SIL1: variants seen among roughly 807,000 people sequenced by gnomAD.
SIL1 encodes nucleotide exchange factor SIL1.
A neutral mutation model predicts 49.1 loss-of-function variants in SIL1; 40 were observed. That is an observed-to-expected ratio of 0.81 (90% confidence interval 0.63 to 1.06). SIL1 has a LOEUF of 1.06. Among genes scored for constraint, SIL1 ranks in the 50% least tolerant of loss-of-function variants. The probability of loss-of-function intolerance (pLI) is 0.00; values close to 1 mark genes in which losing one functional copy is unlikely to be tolerated. For missense variants in SIL1, 500 were observed against 572.6 expected, an observed-to-expected ratio of 0.87 and a Z score of 1.29; for synonymous variants, 253 against 250.8, an observed-to-expected ratio of 1.01 and a Z score of -0.08.
chr5:139,031,692 G>A (rs1407795439), intron 5 of SIL1, among the ~76,000 whole-genome samples: 1 of 152,160 alleles, frequency 6.6e-6, no homozygotes, highest in African/African-American at 2.4e-5. Context: ...CATTCAGAGA[G>A]AGTTAACATT....
chr5:139,057,203 C>A (rs1048847055), intron 3 of SIL1, among the ~76,000 whole-genome samples: 1 of 150,868 alleles, frequency 6.6e-6, no homozygotes, highest in Non-Finnish European at 1.5e-5. Context: ...AGTCCTCTGC[C>A]TAGGAAAACC....
At chr5:139,186,986 T>C (rs1404652574) in intron 1 of SIL1, among the ~76,000 whole-genome samples, 3 of 152,234 alleles carry the variant, frequency 2.0e-5, no homozygotes, top group Non-Finnish European at 4.4e-5. Context: ...TGTTATCATT[T>C]CTTAAGTTTT....
chr5:138,967,727 A>C (rs1767175456), intron 7 of SIL1, among the ~76,000 whole-genome samples: 1 of 152,228 alleles, frequency 6.6e-6, no homozygotes, highest in Non-Finnish European at 1.5e-5. Context: ...TATCAATGCC[A>C]CATGGGCCTC....
At chr5:138,968,461 C>T (rs1767199449) in intron 7 of SIL1, among the ~76,000 whole-genome samples, 1 of 152,160 alleles carries the variant, frequency 6.6e-6, no homozygotes, top group Non-Finnish European at 1.5e-5. Context: ...CCCACCGCCT[C>T]TGCCTGAGCG....
chr5:139,176,417 G>A (rs566021818), intron 1 of SIL1, among the ~76,000 whole-genome samples: 9 of 152,196 alleles, frequency 5.9e-5, no homozygotes, highest in Admixed American at 1.3e-4. Flanking sequence ...CCATTACCCA[G>A]TTCCAAAGCT....
chr5:139,025,555 A>G (rs1030512704), intron 6 of SIL1, among the ~76,000 whole-genome samples: 1 of 152,212 alleles, frequency 6.6e-6, no homozygotes, highest in African/African-American at 2.4e-5. Flanking sequence ...TCCCTGCTTC[A>G]AACTCTCTAG....
chr5:138,961,916 T>C (rs1296491401), intron 7 of SIL1, among the ~76,000 whole-genome samples: 1 of 150,958 alleles, frequency 6.6e-6, no homozygotes, highest in African/African-American at 2.4e-5. Context: ...TTTTAGCTTC[T>C]CCAAACACAG....
chr5:138,966,630 C>CA (rs1767149465), intron 7 of SIL1, among the ~76,000 whole-genome samples: 1 of 152,058 alleles, frequency 6.6e-6, no homozygotes, highest in Non-Finnish European at 1.5e-5. Context: ...ACAAACAAAA[C>CA]AAAAAACCCG....
intron 7 of SIL1, chr5:138,953,380 G>A (rs1404175066): frequency 1.1e-4 from 17 of 152,374 alleles, no homozygotes; most frequent in Admixed American, 1.1e-3. Context: ...CTGGCTGAAT[G>A]GAATGAAGAT....
intron 7 of SIL1, among the ~76,000 whole-genome samples, chr5:139,020,040 T>C (rs1347523816): frequency 6.6e-6 from 1 of 152,172 alleles, no homozygotes; most frequent in African/African-American, 2.4e-5. Context: ...CAGGAGGAGA[T>C]TTCCCTGGGC....
At chr5:139,188,736 T>C (rs1224204143) in intron 1 of SIL1, among the ~76,000 whole-genome samples, 1 of 152,220 alleles carries the variant, frequency 6.6e-6, no homozygotes, top group East Asian at 1.9e-4. Context: ...TTGCTTCATG[T>C]CTGGCTGAAG....
intron 6 of SIL1, 61 bp downstream of exon 6, chr5:139,026,740 G>A (rs2150433106): frequency 1.4e-6 from 2 of 1,466,124 alleles, no homozygotes; most frequent in East Asian, 2.3e-5. Flanking sequence ...AGGGCTTAGG[G>A]AAGGGGGATT....
intron 1 of SIL1, among the ~76,000 whole-genome samples, chr5:139,188,461 G>A (rs769696454): frequency 6.6e-6 from 1 of 152,132 alleles, no homozygotes; most frequent in African/African-American, 2.4e-5. Context: ...AGAGAAGTGA[G>A]GCATGGTCTA....
intron 1 of SIL1, among the ~76,000 whole-genome samples, chr5:139,143,862 G>T (rs1751142163): frequency 2.0e-5 from 3 of 152,142 alleles, no homozygotes; most frequent in African/African-American, 7.2e-5. Flanking sequence ...GAACACTTAG[G>T]AATAAATTTT....
chr5:139,170,818 G>A (rs1438268202), intron 1 of SIL1, among the ~76,000 whole-genome samples: 1 of 149,184 alleles, frequency 6.7e-6, no homozygotes, highest in Non-Finnish European at 1.5e-5. Context: ...GTCCGGGAGG[G>A]AGGTGGGGGG....
chr5:139,086,108 GAAA>G (rs34177563), intron 3 of SIL1, among the ~76,000 whole-genome samples: 2 of 139,506 alleles, frequency 1.4e-5, no homozygotes, highest in African/African-American at 5.2e-5. Context: ...CGACTCTACC[GAAA>G]AAAAAAAAAA....
intron 5 of SIL1, among the ~76,000 whole-genome samples, chr5:139,031,464 T>C (rs529782229): frequency 2.0e-5 from 3 of 152,356 alleles, no homozygotes; most frequent in Admixed American, 6.5e-5. Context: ...CTCTGTTCCA[T>C]TGATCTATGA....
intron 3 of SIL1, among the ~76,000 whole-genome samples, chr5:139,068,675 GA>G (rs1402477211): frequency 1.5e-4 from 11 of 71,022 alleles, no homozygotes; most frequent in South Asian, 5.6e-4. Flanking sequence ...AAAAAAAAAA[GA>G]AGAGAAAGCA....
chr5:139,184,254 G>C (rs1296465078), intron 1 of SIL1, among the ~76,000 whole-genome samples: 1 of 152,150 alleles, frequency 6.6e-6, no homozygotes, highest in Non-Finnish European at 1.5e-5. Flanking sequence ...CAAGAACTAA[G>C]AACAAGGTAC....
Sources: gnomAD v4.1 joint callset for allele counts (sites outside exome capture counted in the v4.1 genomes callset) on GRCh38, gnomAD v4.1.1 for gene constraint, MANE v1.5 for transcripts, NCBI Gene and HGNC (gene_info 2026-07-23, HGNC 2026-07-21) for gene names.